Variants in XNDC1N observed in about 807,000 individuals in gnomAD.
XNDC1N encodes the protein XRCC1 N-terminal domain containing 1, N-terminal like.
chr11:71,890,183 C>G, the XNDC1N span, among the ~76,000 whole-genome samples: 1 of 152,168 alleles, frequency 6.6e-6, no homozygotes, highest in Non-Finnish European at 1.5e-5. Context: ...GTTATCCTCT[C>G]CCCTCCTCCC....
the XNDC1N span, among the ~76,000 whole-genome samples, chr11:71,896,174 A>C: frequency 3.9e-5 from 6 of 152,266 alleles, no homozygotes; most frequent in Non-Finnish European, 7.4e-5. Context: ...AGCTACTCGG[A>C]GGGCTGAGGC....
chr11:71,880,269 G>T, the XNDC1N span, among the ~76,000 whole-genome samples: 1 of 151,778 alleles, frequency 6.6e-6, no homozygotes, highest in Non-Finnish European at 1.5e-5. Context: ...TATTGGTGTT[G>T]GTAAAAAAAA....
the XNDC1N span, among the ~76,000 whole-genome samples, chr11:71,887,202 C>A: frequency 6.6e-6 from 1 of 152,126 alleles, no homozygotes; most frequent in Admixed American, 6.5e-5. Context: ...CCCCGGTCGC[C>A]CGGTTATCCA....
At chr11:71,927,525 A>T in the XNDC1N span, 1 of 133,014 alleles carries the variant, frequency 7.5e-6, no homozygotes, top group South Asian at 2.4e-4. Flanking sequence ...CGTTTCAAAG[A>T]AAAAAAAAAA....
the XNDC1N span, among the ~76,000 whole-genome samples, chr11:71,921,300 G>A: frequency 4.6e-5 from 7 of 152,060 alleles, no homozygotes; most frequent in Admixed American, 1.3e-4. Context: ...CTACAGGTGC[G>A]TGCCACCACA....
At chr11:71,913,223 T>C in the XNDC1N span, among the ~76,000 whole-genome samples, 1 of 151,882 alleles carries the variant, frequency 6.6e-6, no homozygotes, top group East Asian at 1.9e-4. Flanking sequence ...TCCCTGTGGA[T>C]ATTAGGAAGA....
chr11:71,917,704 G>A, the XNDC1N span: 2 of 703,242 alleles, frequency 2.8e-6, no homozygotes, highest in Non-Finnish European at 5.2e-6. Flanking sequence ...AGGGAGCAGG[G>A]TTATGAAAGG....
the XNDC1N span, among the ~76,000 whole-genome samples, chr11:71,922,531 G>T: frequency 6.6e-6 from 1 of 152,094 alleles, no homozygotes; most frequent in Non-Finnish European, 1.5e-5. Context: ...TTGAACTCCT[G>T]GGCTCAAGAG....
the XNDC1N span, among the ~76,000 whole-genome samples, chr11:71,889,377 G>C: frequency 6.6e-6 from 1 of 152,214 alleles, no homozygotes; most frequent in South Asian, 2.1e-4. Context: ...GAATTCCCGC[G>C]CTGACTCAGA....
chr11:71,912,337 C>T, the XNDC1N span, among the ~76,000 whole-genome samples: 1 of 152,220 alleles, frequency 6.6e-6, no homozygotes, highest in Admixed American at 6.5e-5. Context: ...GGGTCTTCCT[C>T]CCCAAACGTG....
At chr11:71,928,539 G>C in the XNDC1N span, 9 of 702,462 alleles carry the variant, frequency 1.3e-5, no homozygotes, top group South Asian at 3.0e-5. Flanking sequence ...TTTTGAAAAT[G>C]AGTCCTACCG....
the XNDC1N span, among the ~76,000 whole-genome samples, chr11:71,869,167 C>T: frequency 2.0e-5 from 3 of 152,148 alleles, no homozygotes; most frequent in African/African-American, 7.2e-5. Context: ...TCGTAATTTA[C>T]ACTAGGTATA....
At chr11:71,917,350 T>C in the XNDC1N span, 1 of 618,230 alleles carries the variant, frequency 1.6e-6, no homozygotes, top group Admixed American at 2.7e-5. Context: ...GTGTGTTCTA[T>C]ATATTGGGCC....
chr11:71,888,802 C>G, the XNDC1N span, among the ~76,000 whole-genome samples: 11,074 of 152,306 alleles, frequency 0.073, 653 homozygotes, highest in African/African-American at 0.16. Flanking sequence ...CACTCACCGA[C>G]TACCAGACTT....
At chr11:71,902,088 A>G in the XNDC1N span, among the ~76,000 whole-genome samples, 1 of 152,124 alleles carries the variant, frequency 6.6e-6, no homozygotes, top group Non-Finnish European at 1.5e-5. Context: ...TGCTTGGCAC[A>G]TAGGAGACAG....
At chr11:71,868,778 G>A in the XNDC1N span, among the ~76,000 whole-genome samples, 1 of 152,148 alleles carries the variant, frequency 6.6e-6, no homozygotes, top group Non-Finnish European at 1.5e-5. Context: ...GTCTTGTGTA[G>A]TATCTTGCAG....
chr11:71,871,073 G>T, the XNDC1N span, among the ~76,000 whole-genome samples: 1 of 152,194 alleles, frequency 6.6e-6, no homozygotes, highest in Non-Finnish European at 1.5e-5. Context: ...AGAGATGTCT[G>T]CATTTCCATG....
the XNDC1N span, among the ~76,000 whole-genome samples, chr11:71,887,805 C>A: frequency 6.6e-6 from 1 of 152,220 alleles, no homozygotes; most frequent in South Asian, 2.1e-4. Context: ...CCAACAGTAC[C>A]TAACCCGTCC....
the XNDC1N span, chr11:71,918,967 G>C: frequency 1.4e-6 from 1 of 702,862 alleles, no homozygotes; most frequent in Non-Finnish European, 2.6e-6. Context: ...GAGGGCAGCC[G>C]AGCCAAGGTC....
Sources: gnomAD v4.1 joint callset for allele counts (sites outside exome capture counted in the v4.1 genomes callset) on GRCh38, gnomAD v4.1.1 for gene constraint, MANE v1.5 for transcripts, NCBI Gene and HGNC (gene_info 2026-07-23, HGNC 2026-07-21) for gene names.